KDM5B: variants seen among roughly 807,000 people sequenced by gnomAD.
KDM5B encodes lysine demethylase 5B, also known as lysine-specific demethylase 5B.
KDM5B carries 144 observed loss-of-function variants against 193.4 expected under a neutral mutation model. The observed-to-expected ratio is 0.74, with a 90% CI of 0.65 to 0.86. The LOEUF is 0.86. Among genes scored for constraint, KDM5B ranks in the 40% least tolerant of loss-of-function variants. The pLI is 0.00. For missense variants in KDM5B, 1,833 were observed against 1,886.9 expected, an observed-to-expected ratio of 0.97 and a Z score of 0.53; for synonymous variants, 668 against 682.6, an observed-to-expected ratio of 0.98 and a Z score of 0.33.
In KDM5B at chr1:202,802,374, T is replaced by TTTG. The variant is rs768944752; in HGVS notation, c.204+5725_204+5727dup. Among the ~76,000 whole-genome samples, 6 of 151,798 alleles carry TTTG rather than the reference T, an allele frequency of 4.0e-5. No individual in the cohort carries two copies. The East Asian group carries it at 7.7e-4, about 19-fold the overall frequency. ...TTAATCAAATAGTTTACACTGTTTT[T>TTTG]TTGTTGTTGTTGTTTGTTGTTGTTG... On this transcript the variant is annotated intron_variant, in intron 1 of 26. Transcript: ENST00000367265.
chr1:202,767,067 A>G lies in KDM5B; in HGVS notation c.577-7T>C. The G allele has an allele frequency of 6.2e-7, 1 of 1,608,532 alleles. No individual in the cohort carries two copies. The highest frequency in any genetic ancestry group is 8.5e-7 in the Non-Finnish European group (1 of 1,178,788). On this transcript the variant is annotated splice_polypyrimidine_tract_variant and splice_region_variant and intron_variant, in intron 4 of 26. Coordinates refer to ENST00000367265, the MANE Select transcript of KDM5B (RefSeq NM_006618.5). ...GGTTTGGCTTCTGCAAACACTAGAA[A>G]TAACAACTGTACTGATAAATTCCCT...
intron 9 of KDM5B, among the ~76,000 whole-genome samples, chr1:202,758,013 A>G (rs943591159): frequency 4.6e-5 from 7 of 152,244 alleles, no homozygotes; most frequent in African/African-American, 1.4e-4. Context: ...TTATGATTAC[A>G]TAACAATATA....
At chr1:202,804,441 G>A (rs897565079) in intron 1 of KDM5B, among the ~76,000 whole-genome samples, 4 of 152,146 alleles carry the variant, frequency 2.6e-5, no homozygotes, top group African/African-American at 4.8e-5. Context: ...AAATTAGGGA[G>A]AATGATACGC....
intron 2 of KDM5B, among the ~76,000 whole-genome samples, chr1:202,775,552 T>TA (rs1656907461): frequency 7.4e-6 from 1 of 134,302 alleles, no homozygotes; most frequent in South Asian, 2.4e-4. Flanking sequence ...AAAAGAAAAA[T>TA]AAAAAAATAA....
At position 202,742,748 on chromosome 1, in the gene KDM5B, TTGTC is replaced by T. The variant is rs1655397950; in HGVS notation, c.2377_2380del (p.Asp793MetfsTer9). The T allele has an allele frequency of 1.9e-6, 3 of 1,614,176 alleles. No individual in the cohort carries two copies. Among genetic ancestry groups the T allele is most frequent in the Non-Finnish European group, 2.5e-6 (3 of 1,179,998 alleles). On this transcript the variant is annotated frameshift_variant, in exon 17 of 27. Coordinates refer to ENST00000367265, the MANE Select transcript of KDM5B (RefSeq NM_006618.5). LOFTEE classifies it high-confidence loss of function. ...TAGGCGAAGGTGTCGCAAAAGATCA[TTGTC>T]TGGGAATTTCTTCATTTCAGATTCT...
chr1:202,744,693 T>C (rs1464052812), intron 16 of KDM5B, among the ~76,000 whole-genome samples: 2 of 152,182 alleles, frequency 1.3e-5, no homozygotes, highest in African/African-American at 4.8e-5. Context: ...ATATACACTG[T>C]TGGTAGAAGT....
At chr1:202,793,258 T>C (rs1300464620) in intron 1 of KDM5B, among the ~76,000 whole-genome samples, 1 of 152,222 alleles carries the variant, frequency 6.6e-6, no homozygotes, top group Non-Finnish European at 1.5e-5. Context: ...TATGTTGCTT[T>C]TGTTTTTGTT....
At chr1:202,805,024 T>C (rs1288115839) in intron 1 of KDM5B, among the ~76,000 whole-genome samples, 1 of 152,202 alleles carries the variant, frequency 6.6e-6, no homozygotes, top group Non-Finnish European at 1.5e-5. Flanking sequence ...TTCTGCCTAA[T>C]AGTTACACCC....
intron 3 of KDM5B, among the ~76,000 whole-genome samples, chr1:202,773,617 AT>A (rs1255757795): frequency 6.6e-6 from 1 of 152,206 alleles, no homozygotes; most frequent in Non-Finnish European, 1.5e-5. Context: ...ACTTGGTCTT[AT>A]TCTGGGCTCT....
chr1:202,790,391 AGGT>A (rs756100557), intron 1 of KDM5B, among the ~76,000 whole-genome samples: 1 of 152,170 alleles, frequency 6.6e-6, no homozygotes, highest in Non-Finnish European at 1.5e-5. Flanking sequence ...AGCCTGGGCA[AGGT>A]GGCAAAATCT....
At chr1:202,736,146 G>A in intron 21 of KDM5B, 67 bp downstream of exon 21, 2 of 1,148,862 alleles carry the variant, frequency 1.7e-6, no homozygotes, top group Non-Finnish European at 2.4e-6. Context: ...CTTTGTATGT[G>A]ATGAACTGCA....
chr1:202,760,945 T>C (rs1656222827), intron 7 of KDM5B, among the ~76,000 whole-genome samples: 1 of 152,094 alleles, frequency 6.6e-6, no homozygotes, highest in African/African-American at 2.4e-5. Context: ...GGAGGATTTC[T>C]TGAGCCTGGT....
At chr1:202,741,284 C>CCATA in intron 19 of KDM5B, 83 bp downstream of exon 19, 1 of 979,072 alleles carries the variant, frequency 1.0e-6, no homozygotes, top group Non-Finnish European at 1.5e-6. Context: ...TGAGCACTTG[C>CCATA]CATAGACCAA....
intron 8 of KDM5B, among the ~76,000 whole-genome samples, chr1:202,759,956 T>G (rs1656178565): frequency 6.6e-6 from 1 of 152,184 alleles, no homozygotes; most frequent in African/African-American, 2.4e-5. Context: ...TAAGACCTCT[T>G]TCCTATTCAG....
At position 202,745,940 on chromosome 1, in the gene KDM5B, T is replaced by C. The variant is rs1318574663; in HGVS notation, c.2241A>G (p.Ala747=). ...TGTAAGATTCTGCTCGAAGCTTCAA[T>C]GCATTCATCATAGGGTAGAGATCAT... The part of the protein sequence containing the change: ...TLDDLYPMMN[A]LKLRAESYNE... The change falls in exon 16 of 27, where the codon GCA becomes GCG. Residue 747 remains alanine (A), a synonymous_variant. Coordinates refer to ENST00000367265, the MANE Select transcript of KDM5B (RefSeq NM_006618.5). 1.2e-6 allele frequency: 2 copies of C among 1,613,802 alleles called. No individual in the cohort carries two copies. The highest frequency in any genetic ancestry group is 1.7e-6 in the Non-Finnish European group (2 of 1,179,780).
At chr1:202,791,401 A>C (rs72644171) in intron 1 of KDM5B, among the ~76,000 whole-genome samples, 8,957 of 152,266 alleles carry the variant, frequency 0.059, 455 homozygotes, top group East Asian at 0.24. Flanking sequence ...TAAGTCTGAA[A>C]TACTAACAAT....
At chr1:202,756,158 A>G (rs3820153) in intron 10 of KDM5B, among the ~76,000 whole-genome samples, 200 bp downstream of exon 10, 102,313 of 152,058 alleles carry the variant, frequency 0.67, 37,055 homozygotes, top group Admixed American at 0.82. Context: ...AAGGCAAAGG[A>G]TGATAAGTAA....
chr1:202,745,461 A>G (rs1336401429), intron 16 of KDM5B, among the ~76,000 whole-genome samples: 1 of 152,220 alleles, frequency 6.6e-6, no homozygotes, highest in African/African-American at 2.4e-5. Context: ...GTGATAAACT[A>G]CCATTTCAGA....
At position 202,789,721 on chromosome 1, in the gene KDM5B, T is replaced by C. The variant is rs1307314697; in HGVS notation, c.205-12627A>G. ...TTAGCTAGGCATGGTAGCATGCACC[T>C]GTAGTTCCACCTACCTGGGAGGCTT... On this transcript the variant is annotated intron_variant, in intron 1 of 26. Transcript: ENST00000367265. 2.0e-5 allele frequency among the ~76,000 whole-genome samples: 3 copies of C among 149,554 alleles called. No homozygotes were observed. The East Asian group carries it at 6.0e-4, about 30-fold the overall frequency.
Sources: gnomAD v4.1 joint callset for allele counts (sites outside exome capture counted in the v4.1 genomes callset) on GRCh38, gnomAD v4.1.1 for gene constraint, MANE v1.5 for transcripts, NCBI Gene and HGNC (gene_info 2026-07-23, HGNC 2026-07-21) for gene names.